The following SFMBT1 variants were observed in gnomAD, a reference collection of about 807,000 sequenced individuals.
The protein encoded by SFMBT1 is Scm like with four mbt domains 1, also known as scm-like with four MBT domains protein 1.
Under a neutral mutation model 108.7 loss-of-function variants are expected in SFMBT1, and 32 were observed. The observed-to-expected ratio is 0.29, with a 90% confidence interval of 0.22 to 0.40. The LOEUF is 0.40. SFMBT1 is among the 10% of genes least tolerant of loss of function. The probability of loss-of-function intolerance (pLI) is 1.00; values close to 1 mark genes in which losing one functional copy is unlikely to be tolerated. For missense variants in SFMBT1, 816 were observed against 1,059.6 expected (o/e 0.77, Z 3.19); for synonymous variants, 348 against 369.5 (o/e 0.94, Z 0.67).
At position 53,044,666 on chromosome 3, in the gene SFMBT1, A is replaced by C. The variant is rs899593156; in HGVS notation, c.-131+1150T>G. ...CATCTTAGAAAATGTGGTTCAAGAG[A>C]AGACATACGCAGGGATTGACAAAAT... is the stretch of plus-strand genomic sequence containing the variant. On this transcript the variant is annotated intron_variant, in intron 1 of 20. Coordinates refer to ENST00000394752, the MANE Select transcript of SFMBT1 (RefSeq NM_016329.4). 3.3e-5 allele frequency among the ~76,000 whole-genome samples: 5 copies of C among 152,360 alleles called. No homozygotes were observed. The South Asian group carries it at 6.2e-4, about 19-fold the overall frequency.
chr3:52,999,908 G>T (rs1307964526), intron 1 of SFMBT1, among the ~76,000 whole-genome samples: 2 of 150,012 alleles, frequency 1.3e-5, no homozygotes, highest in Non-Finnish European at 1.5e-5. Context: ...GCCCAGGCTG[G>T]AATGCAGTGG....
chr3:52,962,262 A>G (rs1703983765), intron 2 of SFMBT1, among the ~76,000 whole-genome samples: 1 of 152,238 alleles, frequency 6.6e-6, no homozygotes, highest in African/African-American at 2.4e-5. Context: ...TATGCTGGCA[A>G]AAATACAAAA....
Position 52,943,338 on chromosome 3 carries a change from G to C in SFMBT1, c.364+15C>G. The stretch of plus-strand genomic sequence containing the variant: ...GTAAAATCACGTCACGTCTTGATAG[G>C]AAGTATTTCATTACCTTCTGGGGCT... On this transcript the variant is annotated intron_variant, in intron 4 of 20. Coordinates refer to ENST00000394752, the MANE Select transcript of SFMBT1 (RefSeq NM_016329.4). The C allele has an allele frequency of 6.2e-7, 1 of 1,614,042 alleles. No individual in the cohort carries two copies. The highest frequency in any genetic ancestry group is 8.5e-7 in the Non-Finnish European group (1 of 1,179,950).
intron 1 of SFMBT1, among the ~76,000 whole-genome samples, chr3:53,031,559 A>G (rs1699686764): frequency 6.6e-6 from 1 of 151,848 alleles, no homozygotes; most frequent in South Asian, 2.1e-4. Flanking sequence ...CTCATTTTTT[A>G]AAAACCTGAA....
chr3:52,980,994 C>T (rs1036088328), intron 1 of SFMBT1, among the ~76,000 whole-genome samples: 5 of 152,072 alleles, frequency 3.3e-5, no homozygotes, highest in African/African-American at 1.2e-4. Flanking sequence ...GAAACCCCAT[C>T]TCTACTAAAA....
chr3:53,038,384 C>T (rs1699932043), intron 1 of SFMBT1, among the ~76,000 whole-genome samples: 1 of 152,178 alleles, frequency 6.6e-6, no homozygotes. Context: ...AGTAACACAA[C>T]GCACAATAAA....
chr3:53,003,706 ATGCTGCTACCC>A lies in SFMBT1; in HGVS notation c.-130-34459_-130-34449del, dbSNP rs749928174. Among the ~76,000 whole-genome samples, 18 of 146,598 alleles carry A rather than the reference ATGCTGCTACCC, an allele frequency of 1.2e-4. 1 individual carries two copies. Among genetic ancestry groups the A allele is most frequent in the Non-Finnish European group, 2.6e-4 (17 of 65,760 alleles). ...GTGACTGACAGCATTATATTCATGG[ATGCTGCTACCC>A]TGCTGAAGAAACTGCTGCATTTGTC... On this transcript the variant is annotated intron_variant, in intron 1 of 20. Coordinates refer to ENST00000394752, the MANE Select transcript of SFMBT1 (RefSeq NM_016329.4).
At chr3:52,927,316 C>T (rs1460923393) in intron 9 of SFMBT1, among the ~76,000 whole-genome samples, 1 of 152,186 alleles carries the variant, frequency 6.6e-6, no homozygotes, top group Non-Finnish European at 1.5e-5. Context: ...CAATGCCTGG[C>T]TTACAGCAAA....
intron 1 of SFMBT1, among the ~76,000 whole-genome samples, chr3:53,013,857 G>A (rs1656194494): frequency 6.6e-6 from 1 of 151,996 alleles, no homozygotes; most frequent in African/African-American, 2.4e-5. Context: ...TCGATCTCCT[G>A]ATCCCAGGTA....
intron 3 of SFMBT1, among the ~76,000 whole-genome samples, chr3:52,948,825 A>ATTTTTTTTTTTATTTTTTTTT (rs1703469260): frequency 1.3e-5 from 1 of 78,284 alleles, no homozygotes; most frequent in Non-Finnish European, 2.4e-5. Context: ...CTAATTTTTA[A>ATTTTTTTTTTTATTTTTTTTT]TTTTTTTTTT....
At chr3:53,033,266 T>C (rs1336729105) in intron 1 of SFMBT1, among the ~76,000 whole-genome samples, 1 of 151,942 alleles carries the variant, frequency 6.6e-6, no homozygotes, top group Non-Finnish European at 1.5e-5. Context: ...GTTCCGGCAA[T>C]TCTCCTGCCT....
intron 10 of SFMBT1, among the ~76,000 whole-genome samples, chr3:52,923,254 A>C (rs1201796989): frequency 2.0e-5 from 3 of 152,184 alleles, no homozygotes; most frequent in Non-Finnish European, 4.4e-5. Context: ...GATAAGAAAA[A>C]CTATTGCATC....
intron 1 of SFMBT1, among the ~76,000 whole-genome samples, chr3:52,997,902 A>C (rs1402778810): frequency 6.6e-6 from 1 of 150,842 alleles, no homozygotes; most frequent in Non-Finnish European, 1.5e-5. Flanking sequence ...AAGAGAGAAG[A>C]TAACACAACG....
rs149871786 is a variant in SFMBT1 at position 52,957,946 on chromosome 3, A to G, written c.29-3535T>C. Among the ~76,000 whole-genome samples the G allele has an allele frequency of 7.4e-4, 112 of 152,310 alleles. 1 individual carries two copies. The highest frequency in any genetic ancestry group is 2.6e-3 in the African/African-American group (109 of 41,580). On this transcript the variant is annotated intron_variant, in intron 2 of 20. Transcript: ENST00000394752. ...CGTCAAAAGCAATTGCAACAAAAGC[A>G]AAAATTGACAAACGGGATCTAATTA...
At chr3:53,003,908 G>T (rs549560879) in intron 1 of SFMBT1, among the ~76,000 whole-genome samples, 131 of 149,996 alleles carry the variant, frequency 8.7e-4, no homozygotes, top group African/African-American at 3.1e-3. Context: ...TACTTAACAA[G>T]TATGGAATGA....
At chr3:52,905,396 C>G in intron 20 of SFMBT1, 120 bp from the exon 21 acceptor site, 1 of 1,012,856 alleles carries the variant, frequency 9.9e-7, no homozygotes, top group South Asian at 1.8e-5. Flanking sequence ...CCTTTCCTTA[C>G]TTTTTCGTCT....
chr3:52,919,916 T>A (rs1702468574), intron 12 of SFMBT1, among the ~76,000 whole-genome samples: 1 of 152,244 alleles, frequency 6.6e-6, no homozygotes, highest in South Asian at 2.1e-4. Flanking sequence ...ACCAATGTGC[T>A]GGTATGAGAA....
chr3:53,004,142 C>T (rs947334004), intron 1 of SFMBT1, among the ~76,000 whole-genome samples: 1 of 149,770 alleles, frequency 6.7e-6, no homozygotes, highest in African/African-American at 2.4e-5. Flanking sequence ...TTCATGTTCT[C>T]AAGGCACAAA....
intron 1 of SFMBT1, among the ~76,000 whole-genome samples, chr3:53,000,200 T>TC (rs1698497435): frequency 6.7e-6 from 1 of 149,862 alleles, no homozygotes; most frequent in African/African-American, 2.4e-5. Flanking sequence ...TACTCACTGC[T>TC]TTAAGCATAC....
Sources: gnomAD v4.1 joint callset for allele counts (sites outside exome capture counted in the v4.1 genomes callset) on GRCh38, gnomAD v4.1.1 for gene constraint, MANE v1.5 for transcripts, NCBI Gene and HGNC (gene_info 2026-07-23, HGNC 2026-07-21) for gene names.